SSUH2: variants seen among roughly 807,000 people sequenced by gnomAD.
SSUH2 encodes ssu-2 homolog, also known as protein SSUH2 homolog.
Under a neutral mutation model 55.3 loss-of-function variants are expected in SSUH2, and 47 were observed. That is an observed-to-expected ratio of 0.85 (90% CI 0.67 to 1.08). SSUH2 has a LOEUF of 1.08. Among genes scored for constraint, SSUH2 ranks in the 50% least tolerant of loss-of-function variants. The pLI is 0.00. For synonymous variants in SSUH2, 212 were observed against 191.5 expected (o/e 1.11, Z -0.89); for missense variants, 535 against 490.7 (o/e 1.09, Z -0.85).
At chr3:8,649,865 C>T (rs1270808736) in intron 7 of SSUH2, among the ~76,000 whole-genome samples, 2 of 152,154 alleles carry the variant, frequency 1.3e-5, no homozygotes, top group Admixed American at 6.5e-5. Flanking sequence ...TGCTCAACAC[C>T]CTTCCTGGCT....
chr3:8,625,329 G>C (rs1697299942), intron 10 of SSUH2, among the ~76,000 whole-genome samples: 1 of 151,928 alleles, frequency 6.6e-6, no homozygotes. Flanking sequence ...GGCATGGTGG[G>C]TGGGGAAGGA....
At chr3:8,671,032 G>A (rs1486340466) in exon 5 of SSUH2, 1 of 410,674 alleles carries the variant, frequency 2.4e-6, no homozygotes, top group Non-Finnish European at 5.1e-6. Flanking sequence ...ATCTCTTCAG[G>A]ACAATACGAA....
upstream of SSUH2, among the ~76,000 whole-genome samples, chr3:8,648,647 T>G (rs1232345349): frequency 6.6e-6 from 1 of 152,226 alleles, no homozygotes; most frequent in Non-Finnish European, 1.5e-5. Context: ...GGTCTGCTGC[T>G]GCCCTGGGCT....
rs1311808339 is a variant in SSUH2, at chr3:8,678,736, G to A, written c.-901+969C>T. Among the ~76,000 whole-genome samples, 15 of 32,250 alleles carry A rather than the reference G, an allele frequency of 4.7e-4. 3 individuals are homozygous for A. The highest frequency in any genetic ancestry group is 1.3e-3 in the African/African-American group (10 of 7,546). The allele number at this position is 32,250 out of a possible 152,430, so 21.2% of individuals were successfully genotyped here. A position where few individuals can be genotyped will look rare whatever the true frequency, so the allele number is the denominator to read the frequency against. Reference sequence around the variant, plus strand: ...AGGACCCCCAACGTGGGGGGGGGAGGCACCACACGCGAGGCGGGGAAAGAG... The same window carrying A: ...AGGACCCCCAACGTGGGGGGGGGAGACACCACACGCGAGGCGGGGAAAGAG... On this transcript the variant is annotated intron_variant, in intron 2 of 18. Coordinates refer to the SSUH2 transcript ENST00000317371.
chr3:8,657,903 C>A (rs1035826852), intron 7 of SSUH2, among the ~76,000 whole-genome samples: 4 of 152,270 alleles, frequency 2.6e-5, no homozygotes, highest in African/African-American at 7.2e-5. Context: ...CTGTCCCAGT[C>A]TCTTCCCAGC....
intron 3 of SSUH2, 107 bp from the exon 4 acceptor site, chr3:8,633,902 G>C (rs1157118600): frequency 6.2e-7 from 1 of 1,614,032 alleles, no homozygotes; most frequent in Middle Eastern, 1.6e-4. Flanking sequence ...GGCCACGGTA[G>C]TGGTAAAGCC....
At chr3:8,664,053 TG>T in intron 5 of SSUH2, 1 of 334,390 alleles carries the variant, frequency 3.0e-6, no homozygotes, top group Non-Finnish European at 5.9e-6. Flanking sequence ...AGGTTTCTGC[TG>T]ACCCAGGTGC....
At chr3:8,681,409 A>AC (rs1454445729) in intron 1 of SSUH2, among the ~76,000 whole-genome samples, 3 of 134,872 alleles carry the variant, frequency 2.2e-5, no homozygotes, top group East Asian at 2.3e-4. Context: ...ATGGGGAGGC[A>AC]CCCCCGGCGA....
chr3:8,673,348 G>T (rs780941774), intron 3 of SSUH2, among the ~76,000 whole-genome samples: 2 of 151,992 alleles, frequency 1.3e-5, no homozygotes, highest in South Asian at 4.2e-4. Context: ...GTCACATTGC[G>T]CCATTCCACC....
chr3:8,634,196 G>A (rs1446485249), intron 3 of SSUH2: 3 of 591,090 alleles, frequency 5.1e-6, no homozygotes, highest in Non-Finnish European at 5.6e-6. Context: ...CGGGTACCTT[G>A]ACCTTAGCCA....
rs370523604 is a variant in SSUH2 at position 8,623,496 on chromosome 3, C to G, written c.981+53G>C. The G allele has an allele frequency of 4.6e-5, 50 of 1,084,132 alleles. No homozygotes were observed. The African/African-American group carries it at 6.2e-4, about 14-fold the overall frequency. 67.2% of individuals were successfully genotyped at this position (1,084,132 alleles called of 1,614,324 possible). ...TCCGACGTTCTCAGGAAAGAGGGCTCAGCAGCCCAGGAAGAGACGTCAGAG... is the reference window on the plus strand; with the variant it reads ...TCCGACGTTCTCAGGAAAGAGGGCTGAGCAGCCCAGGAAGAGACGTCAGAG... On this transcript the variant is annotated intron_variant, in intron 11 of 11. Transcript: ENST00000544814.
At chr3:8,641,562 A>G (rs144307865) in intron 1 of SSUH2, among the ~76,000 whole-genome samples, 122 of 152,192 alleles carry the variant, frequency 8.0e-4, no homozygotes, top group African/African-American at 1.7e-3. Flanking sequence ...TCACTCCCCA[A>G]AGTAGATGCT....
chr3:8,645,355 C>T (rs1023551375), upstream of SSUH2, among the ~76,000 whole-genome samples: 3 of 152,196 alleles, frequency 2.0e-5, no homozygotes, highest in Non-Finnish European at 4.4e-5. Flanking sequence ...ATGGGCAGAG[C>T]TGGCTCCCAA....
intron 5 of SSUH2, among the ~76,000 whole-genome samples, chr3:8,665,871 T>C (rs62244197): frequency 0.057 from 8,658 of 152,258 alleles, 290 homozygotes; most frequent in Middle Eastern, 0.085. Context: ...TAGAACACAA[T>C]GAAGATCATT....
At chr3:8,662,059 A>G (rs1468458587) in intron 6 of SSUH2, among the ~76,000 whole-genome samples, 2 of 151,972 alleles carry the variant, frequency 1.3e-5, no homozygotes, top group Non-Finnish European at 2.9e-5. Flanking sequence ...GATCCATTAA[A>G]CCTTCTTTTC....
At chr3:8,681,917 C>T (rs995947087) in exon 1 of SSUH2, 4 of 155,906 alleles carry the variant, frequency 2.6e-5, no homozygotes, top group African/African-American at 9.6e-5. Flanking sequence ...TTTAGGTGTC[C>T]AAGAAGAAAG....
chr3:8,651,613 C>G (rs544642225), intron 7 of SSUH2, among the ~76,000 whole-genome samples: 2 of 152,112 alleles, frequency 1.3e-5, no homozygotes, highest in Non-Finnish European at 2.9e-5. Context: ...AGCTTTGATT[C>G]CTTGCAGAGA....
At chr3:8,679,608 T>TGG (rs1281878605) in intron 2 of SSUH2, 1 of 120,820 alleles carries the variant, frequency 8.3e-6, no homozygotes, top group African/African-American at 3.8e-5. Context: ...TCGAAGGGGG[T>TGG]GGAGGCACCC....
At chr3:8,630,655 T>C in intron 6 of SSUH2, 150 bp downstream of exon 6, 2 of 720,982 alleles carry the variant, frequency 2.8e-6, no homozygotes, top group African/African-American at 1.8e-5. Flanking sequence ...CCAGGTTTTA[T>C]TAAATTACGT....
Sources: allele counts gnomAD v4.1 joint callset (sites outside exome capture counted in the v4.1 genomes callset), GRCh38; gene constraint gnomAD v4.1.1; transcripts MANE v1.5; gene names NCBI Gene and HGNC (gene_info 2026-07-23, HGNC 2026-07-21).